The following HCN1 variants were observed in gnomAD, a reference collection of about 807,000 sequenced individuals.
The protein encoded by HCN1 is hyperpolarization activated cyclic nucleotide gated potassium channel 1.
HCN1 carries 13 observed loss-of-function variants against 78.9 expected under a neutral mutation model. That is an observed-to-expected ratio of 0.16 (90% CI 0.11 to 0.26). The LOEUF (loss-of-function observed/expected upper bound fraction) is 0.26, where lower values mean the gene tolerates loss of function less well. HCN1 is among the 10% of genes least tolerant of loss of function. The pLI, the probability that HCN1 is intolerant of heterozygous loss-of-function variation, is 1.00. For synonymous variants in HCN1, 552 were observed against 455.5 expected (o/e 1.21, Z -2.70); for missense variants, 810 against 1,154.3 (o/e 0.70, Z 4.32).
intron 2 of HCN1, among the ~76,000 whole-genome samples, chr5:45,484,047 A>C (rs1430000723): frequency 6.6e-6 from 1 of 152,196 alleles, no homozygotes; most frequent in Non-Finnish European, 1.5e-5. Flanking sequence ...GAAATTGGGT[A>C]GTGTGATGCC....
intron 1 of HCN1, among the ~76,000 whole-genome samples, chr5:45,668,359 T>C (rs1434797325): frequency 6.6e-6 from 1 of 151,832 alleles, no homozygotes; most frequent in Non-Finnish European, 1.5e-5. Flanking sequence ...CAAGATCTGA[T>C]GGTTTAAAAG....
intron 2 of HCN1, among the ~76,000 whole-genome samples, chr5:45,577,412 G>GT (rs1743969015): frequency 6.6e-6 from 1 of 151,986 alleles, no homozygotes; most frequent in Non-Finnish European, 1.5e-5. Context: ...ATGTCATATT[G>GT]TATTTGTCTA....
intron 2 of HCN1, chr5:45,576,404 G>A (rs1743945833): frequency 6.6e-6 from 1 of 152,128 alleles, no homozygotes; most frequent in Non-Finnish European, 1.5e-5. Context: ...TCTACCATGT[G>A]TAAAATGCCA....
rs570059213 is a variant in HCN1 at position 45,292,544 on chromosome 5, T to G, written c.1618+11055A>C. On this transcript the variant is annotated intron_variant, in intron 6 of 7. Transcript: ENST00000303230. ...ATTAATTTGAAATTAGAAAACAATT[T>G]AAAAGGCATAAACTCTGAATTTCTC... Among the ~76,000 whole-genome samples the G allele has an allele frequency of 2.0e-5, 3 of 152,130 alleles. No individual in the cohort carries two copies. The South Asian group carries it at 6.2e-4, about 31-fold the overall frequency.
chr5:45,317,580 A>C (rs949915116), intron 5 of HCN1, among the ~76,000 whole-genome samples: 22 of 152,152 alleles, frequency 1.4e-4, no homozygotes, highest in African/African-American at 1.9e-4. Flanking sequence ...TAATTAAACT[A>C]AAGAGCTTCT....
intron 3 of HCN1, among the ~76,000 whole-genome samples, chr5:45,427,941 G>T (rs1280751726): frequency 6.6e-6 from 1 of 152,026 alleles, no homozygotes; most frequent in Non-Finnish European, 1.5e-5. Context: ...ATCTGAAGGA[G>T]AACTTTATAT....
chr5:45,390,516 A>G (rs943731580), intron 4 of HCN1, among the ~76,000 whole-genome samples: 7 of 152,180 alleles, frequency 4.6e-5, no homozygotes, highest in Admixed American at 3.3e-4. Flanking sequence ...AAATGTAAAC[A>G]GCAAAAAACT....
intron 2 of HCN1, among the ~76,000 whole-genome samples, chr5:45,635,556 A>T (rs757689434): frequency 1.3e-5 from 2 of 152,112 alleles, no homozygotes; most frequent in Non-Finnish European, 1.5e-5. Flanking sequence ...GTCTACTTTC[A>T]CTTTAAAATG....
intron 2 of HCN1, among the ~76,000 whole-genome samples, chr5:45,548,226 A>G (rs1743271447): frequency 6.6e-6 from 1 of 151,964 alleles, no homozygotes; most frequent in African/African-American, 2.4e-5. Context: ...AAAAAAACAC[A>G]TACTTTCTGT....
intron 2 of HCN1, among the ~76,000 whole-genome samples, chr5:45,493,270 C>A (rs1449166940): frequency 6.6e-6 from 1 of 151,726 alleles, no homozygotes; most frequent in Non-Finnish European, 1.5e-5. Flanking sequence ...AAAACACAAA[C>A]ATATATATAA....
At chr5:45,272,108 G>A (rs962119210) in intron 6 of HCN1, among the ~76,000 whole-genome samples, 1 of 152,092 alleles carries the variant, frequency 6.6e-6, no homozygotes, top group African/African-American at 2.4e-5. Context: ...TCTGATCAAA[G>A]AGGCTTAGAT....
At position 45,583,272 on chromosome 5, in the gene HCN1, G is replaced by A. The variant is rs111697059; in HGVS notation, c.849+61913C>T. 5.1e-3 allele frequency among the ~76,000 whole-genome samples: 783 copies of A among 152,258 alleles called. 5 individuals are homozygous for A. The highest frequency in any genetic ancestry group is 0.018 in the African/African-American group (746 of 41,554). On this transcript the variant is annotated intron_variant, in intron 2 of 7. Coordinates refer to ENST00000303230, the MANE Select transcript of HCN1 (RefSeq NM_021072.4). ...GTCTTGGGAGGGTGTACGTGTCGAGGAATTTATCCATTTCTTCTAGATTTT... is the reference window on the plus strand; with the variant it reads ...GTCTTGGGAGGGTGTACGTGTCGAGAAATTTATCCATTTCTTCTAGATTTT...
chr5:45,532,773 C>G (rs538132962), intron 2 of HCN1, among the ~76,000 whole-genome samples: 1 of 152,246 alleles, frequency 6.6e-6, no homozygotes, highest in Admixed American at 6.5e-5. Context: ...AACCAGTGTA[C>G]AGTATTCTGA....
intron 2 of HCN1, among the ~76,000 whole-genome samples, chr5:45,530,177 C>A (rs1742808776): frequency 6.6e-6 from 1 of 151,976 alleles, no homozygotes; most frequent in Admixed American, 6.6e-5. Flanking sequence ...TGCTTCTCAG[C>A]TCTTTTTTTC....
intron 5 of HCN1, among the ~76,000 whole-genome samples, chr5:45,336,089 G>T (rs1746448519): frequency 6.6e-6 from 1 of 151,944 alleles, no homozygotes; most frequent in Non-Finnish European, 1.5e-5. Flanking sequence ...GCAGCCAGGG[G>T]CAAATAAGAG....
chr5:45,646,031 T>A (rs978221469), intron 1 of HCN1, among the ~76,000 whole-genome samples: 3 of 152,070 alleles, frequency 2.0e-5, no homozygotes, highest in South Asian at 2.1e-4. Flanking sequence ...TAGATGTCAA[T>A]TTACCAATCA....
chr5:45,571,642 C>T (rs937834247), intron 2 of HCN1, among the ~76,000 whole-genome samples: 7 of 152,114 alleles, frequency 4.6e-5, no homozygotes, highest in South Asian at 2.1e-4. Flanking sequence ...AGGACAGACG[C>T]GGTGTCTCAT....
intron 2 of HCN1, among the ~76,000 whole-genome samples, chr5:45,547,213 A>G (rs1743249319): frequency 6.6e-6 from 1 of 151,946 alleles, no homozygotes. Flanking sequence ...AATATACACG[A>G]CACATTGACT....
In HCN1 at chr5:45,632,908, T is replaced by A. The variant is rs150755845; in HGVS notation, c.849+12277A>T. Among the ~76,000 whole-genome samples, 155 of 152,158 alleles carry A rather than the reference T, an allele frequency of 1.0e-3. No homozygotes were observed. In the Middle Eastern group the frequency reaches 0.014, roughly 13 times the overall value. On this transcript the variant is annotated intron_variant, in intron 2 of 7. Transcript: ENST00000303230. ...AGTGAAGCATTTTGAATAAGGTAAG[T>A]GTTTTCAGAACTACAGGATAACTGA...
Sources: allele counts gnomAD v4.1 joint callset (sites outside exome capture counted in the v4.1 genomes callset), GRCh38; gene constraint gnomAD v4.1.1; transcripts MANE v1.5; gene names NCBI Gene and HGNC (gene_info 2026-07-23, HGNC 2026-07-21).